The following BRAF variants were observed in gnomAD, a reference collection of about 807,000 sequenced individuals.
The protein encoded by BRAF is serine/threonine-protein kinase B-raf.
In BRAF, 16 loss-of-function variants were observed where a neutral mutation model predicts 104.6. The observed-to-expected ratio is 0.15, with a 90% CI of 0.10 to 0.23. The LOEUF is 0.23. Ranked by LOEUF, BRAF falls within the 10% of genes least tolerant of loss-of-function variation. The pLI, the probability that BRAF is intolerant of heterozygous loss-of-function variation, is 1.00. For synonymous variants in BRAF, 310 were observed against 341.6 expected, an observed-to-expected ratio of 0.91 and a Z score of 1.02; for missense variants, 541 against 937.3, an observed-to-expected ratio of 0.58 and a Z score of 5.52.
intron 19 of BRAF, chr7:140,733,157 A>G (rs957438284): frequency 6.6e-6 from 1 of 152,194 alleles, no homozygotes; most frequent in African/African-American, 2.4e-5. Context: ...ATTATTATTG[A>G]GTGATTTTCC....
Position 140,723,608 on chromosome 7 carries a change from C to T in BRAF, c.*2886G>A, listed in dbSNP as rs566432820. 2 of 1,049,182 alleles carry T rather than the reference C, an allele frequency of 1.9e-6. No individual in the cohort carries two copies. Among genetic ancestry groups the T allele is most frequent in the Non-Finnish European group, 2.3e-6 (2 of 869,310 alleles). The allele number at this position is 1,049,182 out of a possible 1,614,324, so 65.0% of individuals were successfully genotyped here. On this transcript the variant is annotated 3_prime_UTR_variant, in exon 20 of 20. Transcript: ENST00000644969. ...TATTTCAGTGGCAAAAGTCTAGGTC[C>T]TTGACTCTAACGATGAAAAAAGTCC...
chr7:140,723,999 A>G lies in BRAF; in HGVS notation c.*2495T>C, dbSNP rs1795455994. The G allele has an allele frequency of 4.8e-6, 5 of 1,042,318 alleles. No individual in the cohort carries two copies. Among genetic ancestry groups the G allele is most frequent in the Non-Finnish European group, 5.8e-6 (5 of 864,596 alleles). The allele number at this position is 1,042,318 out of a possible 1,614,324, so 64.6% of individuals were successfully genotyped here. A position where few individuals can be genotyped will look rare whatever the true frequency, so the allele number is the denominator to read the frequency against. On this transcript the variant is annotated 3_prime_UTR_variant, in exon 20 of 20. Transcript: ENST00000644969. Reference sequence around the variant, plus strand: ...AGAAAAAGGAAGAAAAGAGAGGTTTAAATATTTTATTTTTTAAGGTATCTA... The same window carrying G: ...AGAAAAAGGAAGAAAAGAGAGGTTTGAATATTTTATTTTTTAAGGTATCTA...
In BRAF at chr7:140,725,975, A is replaced by C; in HGVS notation, c.*519T>G. Reference sequence around the variant, plus strand: ...GAACACGCACCACATAGAAAGGGCAAGCTGCATTTTTGTTCCATCCCTCAG... The same window carrying C: ...GAACACGCACCACATAGAAAGGGCACGCTGCATTTTTGTTCCATCCCTCAG... On this transcript the variant is annotated 3_prime_UTR_variant, in exon 20 of 20. Transcript: ENST00000644969. 9.4e-7 allele frequency: 1 copy of C among 1,066,942 alleles called. No individual in the cohort carries two copies. Among genetic ancestry groups the C allele is most frequent in the Non-Finnish European group, 1.1e-6 (1 of 880,562 alleles). The allele number at this position is 1,066,942 out of a possible 1,614,324, so 66.1% of individuals were successfully genotyped here.
At chr7:140,827,320 TGAGG>T (rs1198350084) in intron 3 of BRAF, among the ~76,000 whole-genome samples, 1 of 152,196 alleles carries the variant, frequency 6.6e-6, no homozygotes, top group Non-Finnish European at 1.5e-5. Flanking sequence ...CTAGACGGGC[TGAGG>T]GAGGGTTTCC....
At chr7:140,759,781 A>T (rs1272194148) in intron 14 of BRAF, among the ~76,000 whole-genome samples, 1 of 152,230 alleles carries the variant, frequency 6.6e-6, no homozygotes, top group African/African-American at 2.4e-5. Flanking sequence ...TAGAAGGGTA[A>T]TCAGGAGAAT....
rs368586983 is a variant in BRAF, at chr7:140,915,657, A to C, written c.138+8909T>G. 1.6e-3 allele frequency among the ~76,000 whole-genome samples: 249 copies of C among 152,130 alleles called. 1 individual carries two copies. The highest frequency in any genetic ancestry group is 5.8e-3 in the African/African-American group (239 of 41,496). On this transcript the variant is annotated intron_variant, in intron 1 of 19. Coordinates refer to ENST00000644969, the MANE Select transcript of BRAF (RefSeq NM_001374258.1). ...CTCCATGTTGGTCAGGTTGGTCTCG[A>C]ACTCCTGACCTCAGGTGATCCACCC...
At chr7:140,733,349 T>G (rs1293647291) in intron 19 of BRAF, 1 of 152,002 alleles carries the variant, frequency 6.6e-6, no homozygotes, top group Non-Finnish European at 1.5e-5. Context: ...CATTTAAAAA[T>G]CATGACAAAA....
chr7:140,876,364 A>G (rs963483028), intron 1 of BRAF, among the ~76,000 whole-genome samples: 1 of 152,216 alleles, frequency 6.6e-6, no homozygotes, highest in Non-Finnish European at 1.5e-5. Flanking sequence ...AGAATGGCTA[A>G]AAGTTGTTCA....
intron 7 of BRAF, 32 bp from the exon 8 acceptor site, chr7:140,794,499 T>C: frequency 6.2e-7 from 1 of 1,605,076 alleles, no homozygotes; most frequent in Non-Finnish European, 8.5e-7. Context: ...AAGATAAGAT[T>C]CAGAGTAACG....
At chr7:140,907,935 A>G (rs2129136544) in intron 1 of BRAF, among the ~76,000 whole-genome samples, 1 of 151,698 alleles carries the variant, frequency 6.6e-6, no homozygotes, top group East Asian at 2.0e-4. Flanking sequence ...AGTAGAGACA[A>G]AGTTTCACCA....
downstream of BRAF, among the ~76,000 whole-genome samples, chr7:140,716,167 C>T (rs1470399385): frequency 6.6e-6 from 1 of 152,172 alleles, no homozygotes; most frequent in Non-Finnish European, 1.5e-5. Flanking sequence ...ACCTCCTAAA[C>T]TGATTTTACA....
intron 1 of BRAF, among the ~76,000 whole-genome samples, chr7:140,899,427 T>C (rs937543667): frequency 6.6e-6 from 1 of 152,158 alleles, no homozygotes; most frequent in Non-Finnish European, 1.5e-5. Flanking sequence ...CCTATTATTT[T>C]CCAAAGGATT....
intron 17 of BRAF, among the ~76,000 whole-genome samples, chr7:140,748,737 C>T (rs1229550434): frequency 1.3e-5 from 2 of 151,964 alleles, no homozygotes; most frequent in African/African-American, 2.4e-5. Context: ...TATGTTAGTA[C>T]CTTTTGGAAG....
intron 14 of BRAF, among the ~76,000 whole-genome samples, chr7:140,770,940 A>G (rs1799786530): frequency 6.6e-6 from 1 of 151,806 alleles, no homozygotes; most frequent in Non-Finnish European, 1.5e-5. Flanking sequence ...CAAAAAAAAA[A>G]AAAAAAAACC....
chr7:140,864,943 G>T (rs1810790790), intron 1 of BRAF, among the ~76,000 whole-genome samples: 1 of 152,200 alleles, frequency 6.6e-6, no homozygotes, highest in Admixed American at 6.5e-5. Flanking sequence ...AGAACAAGAG[G>T]ACCAATGCAG....
Position 140,725,782 on chromosome 7 carries a change from C to T in BRAF, c.*712G>A. On this transcript the variant is annotated 3_prime_UTR_variant, in exon 20 of 20. Transcript: ENST00000644969. ...ATGTGTGCCAGCACTATCTAGCCTG[C>T]TTGGTTAGACAGACCCCTCAGTGAG... 9.4e-7 allele frequency: 1 copy of T among 1,062,520 alleles called. No individual in the cohort carries two copies. The highest frequency in any genetic ancestry group is 4.6e-5 in the South Asian group (1 of 21,968). The allele number at this position is 1,062,520 out of a possible 1,614,324, so 65.8% of individuals were successfully genotyped here.
intron 14 of BRAF, 73 bp from the exon 14 acceptor site, chr7:140,754,306 TG>T (rs1798026885): frequency 7.5e-7 from 1 of 1,337,142 alleles, no homozygotes; most frequent in Non-Finnish European, 1.1e-6. Flanking sequence ...AGAACATACT[TG>T]GGGGTGTAAA....
chr7:140,769,845 G>C (rs966012688), intron 14 of BRAF, among the ~76,000 whole-genome samples: 1 of 152,088 alleles, frequency 6.6e-6, no homozygotes, highest in Non-Finnish European at 1.5e-5. Context: ...AAAGTGCTGG[G>C]ATTAGAGGCA....
intron 7 of BRAF, among the ~76,000 whole-genome samples, chr7:140,795,942 T>C (rs1348216900): frequency 2.6e-5 from 4 of 152,184 alleles, no homozygotes; most frequent in Non-Finnish European, 5.9e-5. Flanking sequence ...TAGCCAAATA[T>C]ATGTCTATAG....
Sources: allele counts gnomAD v4.1 joint callset (sites outside exome capture counted in the v4.1 genomes callset), GRCh38; gene constraint gnomAD v4.1.1; transcripts MANE v1.5; gene names NCBI Gene and HGNC (gene_info 2026-07-23, HGNC 2026-07-21).